CYFIP1: variants seen among roughly 807,000 people sequenced by gnomAD.
CYFIP1 encodes cytoplasmic FMR1-interacting protein 1.
A neutral mutation model predicts 163.5 loss-of-function variants in CYFIP1; 58 were observed. The observed-to-expected ratio is 0.35, with a 90% CI of 0.29 to 0.44. The LOEUF (loss-of-function observed/expected upper bound fraction) is 0.44, where lower values mean the gene tolerates loss of function less well. Among genes scored for constraint, CYFIP1 ranks in the 20% least tolerant of loss-of-function variants. The probability of loss-of-function intolerance (pLI) is 1.00; values close to 1 mark genes in which losing one functional copy is unlikely to be tolerated. For synonymous variants in CYFIP1, 663 were observed against 660.7 expected (o/e 1.00, Z -0.05); for missense variants, 1,338 against 1,653.8 (o/e 0.81, Z 3.31).
At chr15:22,918,320 C>T (rs1439037008) in intron 14 of CYFIP1, among the ~76,000 whole-genome samples, 2 of 152,092 alleles carry the variant, frequency 1.3e-5, no homozygotes, top group Non-Finnish European at 2.9e-5. Flanking sequence ...TGAAGTCACC[C>T]ACATGACCAG....
At chr15:22,918,087 A>G in intron 14 of CYFIP1, 152 bp from the exon 15 acceptor site, 2 of 885,346 alleles carry the variant, frequency 2.3e-6, no homozygotes, top group Non-Finnish European at 3.4e-6. Flanking sequence ...GTGGTAATGG[A>G]CCAGCTCAAC....
At chr15:22,942,412 G>A (rs1007951412) in intron 6 of CYFIP1, among the ~76,000 whole-genome samples, 9 of 151,812 alleles carry the variant, frequency 5.9e-5, no homozygotes, top group African/African-American at 2.2e-4. Context: ...ATGAAGCAGA[G>A]CAAGAGCATC....
At chr15:22,964,375 A>T (rs1280578952) in intron 1 of CYFIP1, among the ~76,000 whole-genome samples, 29 of 118,892 alleles carry the variant, frequency 2.4e-4, no homozygotes, top group African/African-American at 6.6e-4. Flanking sequence ...ACACACACAC[A>T]CACACACACA....
intron 4 of CYFIP1, 49 bp downstream of exon 4, chr15:22,944,813 G>A (rs1445318165): frequency 6.3e-7 from 1 of 1,586,650 alleles, no homozygotes; most frequent in Non-Finnish European, 8.6e-7. Flanking sequence ...GGTGTGGCAG[G>A]GGCCTGGCAG....
At chr15:22,897,763 C>T (rs548596551) in intron 22 of CYFIP1, among the ~76,000 whole-genome samples, 3 of 152,284 alleles carry the variant, frequency 2.0e-5, no homozygotes, top group African/African-American at 7.2e-5. Context: ...GGATTACAGG[C>T]GTGAGCCACT....
intron 29 of CYFIP1, 86 bp downstream of exon 29, chr15:22,873,405 G>A (rs1020868293): frequency 5.4e-6 from 6 of 1,115,074 alleles, no homozygotes. Context: ...GAGCATGGCT[G>A]GCTGCTTGTT....
At chr15:22,894,343 G>A (rs1347233883) in intron 22 of CYFIP1, among the ~76,000 whole-genome samples, 1 of 133,272 alleles carries the variant, frequency 7.5e-6, no homozygotes, top group Non-Finnish European at 1.5e-5. Context: ...AGGCTGGAGT[G>A]CTGTGGTGTG....
intron 1 of CYFIP1, among the ~76,000 whole-genome samples, chr15:22,964,915 C>T (rs2062852018): frequency 6.6e-6 from 1 of 152,110 alleles, no homozygotes; most frequent in African/African-American, 2.4e-5. Context: ...ACATAGAAAT[C>T]AGGTCATGCA....
Position 22,896,924 on chromosome 15 carries a change from T to G in CYFIP1, c.2589-3947A>C, listed in dbSNP as rs138531474. On this transcript the variant is annotated intron_variant, in intron 22 of 30. Transcript: ENST00000617928. ...TTTGTTACTGTCTTTTAAAGAGTGT[T>G]GGCCGGGCGAGGTGGCTCACGGCTG... 4.0e-3 allele frequency among the ~76,000 whole-genome samples: 602 copies of G among 152,160 alleles called. 3 individuals are homozygous for G. The highest frequency in any genetic ancestry group is 0.014 in the African/African-American group (568 of 41,512).
At position 22,874,599 on chromosome 15, in the gene CYFIP1, T is replaced by C; in HGVS notation, c.3161A>G (p.Tyr1054Cys). 1 of 1,607,774 alleles carries C rather than the reference T, an allele frequency of 6.2e-7. No individual in the cohort carries two copies. Among genetic ancestry groups the C allele is most frequent in the East Asian group, 2.3e-5 (1 of 44,428 alleles). ...DAKMKRLESK[Y>C]APLHLVPLIE... ...CAGTGGGACAAGATGCAGCGGGGCG[T>C]ACTTTGATTCTAGTCTTTTCATTTT... The change falls in exon 28 of 31, where the codon TAC (tyrosine) becomes TGC (cysteine). Residue 1054 changes from tyrosine to cysteine, a missense_variant. By Grantham distance (194) the Tyr-to-Cys change is radical. Transcript: ENST00000617928.
intron 1 of CYFIP1, among the ~76,000 whole-genome samples, chr15:22,960,587 A>G (rs1567034165): frequency 6.6e-6 from 1 of 152,248 alleles, no homozygotes; most frequent in Non-Finnish European, 1.5e-5. Flanking sequence ...TCAAAGGAAC[A>G]AAAGCAGAAA....
At chr15:22,940,330 C>T (rs1230070543) in intron 6 of CYFIP1, among the ~76,000 whole-genome samples, 1 of 152,206 alleles carries the variant, frequency 6.6e-6, no homozygotes, top group Admixed American at 6.5e-5. Flanking sequence ...TCCAGGGAGC[C>T]CCACACATTC....
rs1397527572 is a variant in CYFIP1 at position 22,867,127 on chromosome 15, C to T, written c.*2901G>A. 11 of 481,212 alleles carry T rather than the reference C, an allele frequency of 2.3e-5. No individual in the cohort carries two copies. Among genetic ancestry groups the T allele is most frequent in the East Asian group, 3.2e-5 (1 of 31,288 alleles). The allele number at this position is 481,212 out of a possible 1,614,324, so 29.8% of individuals were successfully genotyped here. A position where few individuals can be genotyped will look rare whatever the true frequency, so the allele number is the denominator to read the frequency against. On this transcript the variant is annotated 3_prime_UTR_variant, in exon 31 of 31. Transcript: ENST00000617928. The stretch of plus-strand genomic sequence containing the variant: ...CTCCAAAAGCCGAATGCACTAATGA[C>T]AGTTTTAAGTCTATGAAAATGCTTT...
rs780844111 is a variant in CYFIP1 at position 22,882,974 on chromosome 15, T to A, written c.2714A>T (p.Tyr905Phe). The change falls in exon 24 of 31, where the codon TAC (tyrosine) becomes TTC (phenylalanine). Residue 905 changes from tyrosine to phenylalanine, a missense_variant. Coordinates refer to ENST00000617928, the MANE Select transcript of CYFIP1 (RefSeq NM_014608.6). ...GTGTGGAGGTCCCACGAAGTTCCGG[T>A]AGCTGCCGTAAATGCTGGAGTAGGC... is the stretch of plus-strand genomic sequence containing the variant. ...NLAYSSIYGS[Y>F]RNFVGPPHFQ... 1 of 1,613,952 alleles carries A rather than the reference T, an allele frequency of 6.2e-7. No homozygotes were observed. Among genetic ancestry groups the A allele is most frequent in the South Asian group, 1.1e-5 (1 of 91,074 alleles).
intron 24 of CYFIP1, among the ~76,000 whole-genome samples, chr15:22,882,275 C>T (rs1025075956): frequency 7.2e-5 from 11 of 152,184 alleles, no homozygotes; most frequent in East Asian, 5.8e-4. Context: ...TCCCCCAGGA[C>T]GCTGTCTGTG....
At chr15:22,898,819 T>C (rs2141988559) in intron 22 of CYFIP1, among the ~76,000 whole-genome samples, 1 of 152,028 alleles carries the variant, frequency 6.6e-6, no homozygotes, top group Non-Finnish European at 1.5e-5. Flanking sequence ...CTGGCTAAAA[T>C]GGTGAAACCC....
intron 30 of CYFIP1, 44 bp from the exon 31 acceptor site, chr15:22,870,236 CATTT>C: frequency 6.5e-7 from 1 of 1,534,640 alleles, no homozygotes; most frequent in East Asian, 2.4e-5. Context: ...AACACTTCAA[CATTT>C]ATTCTTCATG....
At chr15:22,889,165 G>C (rs1385050721) in intron 23 of CYFIP1, among the ~76,000 whole-genome samples, 1 of 152,170 alleles carries the variant, frequency 6.6e-6, no homozygotes, top group Non-Finnish European at 1.5e-5. Flanking sequence ...TGAGGTTCAA[G>C]TTCAGTTGCA....
intron 5 of CYFIP1, 55 bp downstream of exon 5, chr15:22,944,503 G>C (rs939674001): frequency 1.7e-5 from 20 of 1,207,908 alleles, no homozygotes; most frequent in Non-Finnish European, 2.2e-5. Context: ...GGTAGGAAGG[G>C]GTCAGCAACC....
Sources: gnomAD v4.1 joint callset for allele counts (sites outside exome capture counted in the v4.1 genomes callset) on GRCh38, gnomAD v4.1.1 for gene constraint, MANE v1.5 for transcripts, NCBI Gene and HGNC (gene_info 2026-07-23, HGNC 2026-07-21) for gene names.